The following IL1RAP variants were observed in gnomAD, a reference collection of about 807,000 sequenced individuals.
IL1RAP encodes interleukin 1 receptor accessory protein.
Under a neutral mutation model 60.7 loss-of-function variants are expected in IL1RAP, and 35 were observed. The ratio of observed to expected loss-of-function variants is 0.58; its 90% CI spans 0.44 to 0.76. IL1RAP has a LOEUF of 0.76. Among genes scored for constraint, IL1RAP ranks in the 30% least tolerant of loss-of-function variants. IL1RAP has a pLI of 0.00. For missense variants in IL1RAP, 572 were observed against 693.9 expected (o/e 0.82, Z 1.97); for synonymous variants, 268 against 250.9 (o/e 1.07, Z -0.64).
chr3:190,552,602 T>C (rs113863742), intron 1 of IL1RAP, among the ~76,000 whole-genome samples: 2,268 of 152,252 alleles, frequency 0.015, 65 homozygotes, highest in African/African-American at 0.053. Flanking sequence ...TAGAGCTTTT[T>C]TTATAGACAT....
At chr3:190,563,117 C>T (rs1247791354) in intron 2 of IL1RAP, among the ~76,000 whole-genome samples, 1 of 152,160 alleles carries the variant, frequency 6.6e-6, no homozygotes, top group Admixed American at 6.5e-5. Context: ...ATTTAATGCT[C>T]TTAAAATTGG....
rs961344794 is a variant in IL1RAP at position 190,651,306 on chromosome 3, A to G, written c.*2601A>G. 32 of 945,064 alleles carry G rather than the reference A, an allele frequency of 3.4e-5. No homozygotes were observed. The highest frequency in any genetic ancestry group is 3.5e-5 in the Non-Finnish European group (28 of 793,164). The allele number at this position is 945,064 out of a possible 1,614,324, so 58.5% of individuals were successfully genotyped here. A position where few individuals can be genotyped will look rare whatever the true frequency, so the allele number is the denominator to read the frequency against. On this transcript the variant is annotated 3_prime_UTR_variant, in exon 12 of 12. Transcript: ENST00000447382. ...TTAATTCTCTTCTGTATTGTAACTT[A>G]GATGATTCCCAAGGACTCTAATAAA...
chr3:190,643,950 T>C (rs1367025838), intron 9 of IL1RAP: 1 of 175,388 alleles, frequency 5.7e-6, no homozygotes, highest in African/African-American at 2.4e-5. Context: ...AAATTGTGAC[T>C]TGAATTTGAT....
intron 9 of IL1RAP, among the ~76,000 whole-genome samples, chr3:190,641,707 G>A (rs371881037): frequency 1.1e-4 from 17 of 152,250 alleles, no homozygotes; most frequent in East Asian, 7.7e-4. Context: ...TTTCAGGTAC[G>A]TGCAGCCAGC....
intron 1 of IL1RAP, among the ~76,000 whole-genome samples, chr3:190,521,457 A>ATT (rs79210560): frequency 2.8e-5 from 4 of 141,572 alleles, no homozygotes; most frequent in Non-Finnish European, 4.7e-5. Flanking sequence ...AGATTATGTC[A>ATT]TTTTTTTTTT....
chr3:190,565,164 C>T (rs77409248), intron 3 of IL1RAP, among the ~76,000 whole-genome samples: 3,359 of 149,296 alleles, frequency 0.022, 52 homozygotes, highest in Middle Eastern at 0.056. Context: ...AACTGTAGGA[C>T]TGAAAAAAAA....
chr3:190,548,568 A>G (rs955970788), intron 1 of IL1RAP, among the ~76,000 whole-genome samples: 1 of 152,196 alleles, frequency 6.6e-6, no homozygotes, highest in Admixed American at 6.5e-5. Flanking sequence ...ACAAAATTGG[A>G]CTATACACTG....
chr3:190,515,917 C>T (rs3774000), intron 1 of IL1RAP, among the ~76,000 whole-genome samples: 19,041 of 151,982 alleles, frequency 0.13, 2,099 homozygotes, highest in East Asian at 0.46. Flanking sequence ...TATTTAAACA[C>T]GAACACACAG....
chr3:190,537,053 C>T (rs1421848155), intron 1 of IL1RAP, among the ~76,000 whole-genome samples: 6 of 152,024 alleles, frequency 3.9e-5, no homozygotes, highest in Non-Finnish European at 8.8e-5. Context: ...TAGACATTTA[C>T]TTATTTAAAA....
chr3:190,570,454 G>A (rs1726810870), intron 3 of IL1RAP, among the ~76,000 whole-genome samples: 1 of 152,108 alleles, frequency 6.6e-6, no homozygotes, highest in African/African-American at 2.4e-5. Context: ...TACATTACTG[G>A]GAAATAAATA....
chr3:190,560,141 T>G (rs1001811080), intron 2 of IL1RAP, among the ~76,000 whole-genome samples: 4 of 152,226 alleles, frequency 2.6e-5, no homozygotes, highest in Admixed American at 2.6e-4. Flanking sequence ...TTCAAAGGCT[T>G]GTTCATTGTA....
At chr3:190,529,425 T>C (rs1344897639) in intron 1 of IL1RAP, among the ~76,000 whole-genome samples, 1 of 149,322 alleles carries the variant, frequency 6.7e-6, no homozygotes, top group South Asian at 2.1e-4. Context: ...TGGTGGCTCA[T>C]GCCTGTAATC....
At chr3:190,656,474 C>T (rs1734623790), downstream of IL1RAP, 1 of 1,537,246 alleles carries the variant, frequency 6.5e-7, no homozygotes. Flanking sequence ...CTCTGTAAGC[C>T]TGTTCCCCAA....
intron 1 of IL1RAP, among the ~76,000 whole-genome samples, chr3:190,547,518 A>G (rs963354988): frequency 6.6e-6 from 1 of 152,226 alleles, no homozygotes; most frequent in African/African-American, 2.4e-5. Flanking sequence ...ATATTTCTTT[A>G]GGGCTTACTT....
At chr3:190,656,133 A>G (rs1560251552), downstream of IL1RAP, 1 of 1,537,276 alleles carries the variant, frequency 6.5e-7, no homozygotes, top group East Asian at 2.4e-5. Flanking sequence ...AAAAGTCCAA[A>G]CATTCTGGCT....
intron 3 of IL1RAP, among the ~76,000 whole-genome samples, chr3:190,602,918 C>T (rs929665280): frequency 6.6e-6 from 1 of 152,196 alleles, no homozygotes; most frequent in African/African-American, 2.4e-5. Flanking sequence ...TCACCCTGAC[C>T]TCTGTTCACT....
At chr3:190,553,199 A>G (rs910838253) in intron 1 of IL1RAP, among the ~76,000 whole-genome samples, 2 of 152,216 alleles carry the variant, frequency 1.3e-5, no homozygotes, top group Non-Finnish European at 2.9e-5. Context: ...GAGGCCCGCA[A>G]GGAAGTATTT....
At chr3:190,648,145 C>G (rs1734168724) in intron 11 of IL1RAP, among the ~76,000 whole-genome samples, 193 bp from the exon 12 acceptor site, 1 of 152,124 alleles carries the variant, frequency 6.6e-6, no homozygotes, top group Non-Finnish European at 1.5e-5. Context: ...TTTCTGTTTT[C>G]CCTGAAGACA....
At chr3:190,646,444 G>A (rs1178014748) in intron 11 of IL1RAP, among the ~76,000 whole-genome samples, 2 of 151,830 alleles carry the variant, frequency 1.3e-5, no homozygotes, top group African/African-American at 4.8e-5. Context: ...CTTCCTGTCA[G>A]CTTATACATT....
Sources: gnomAD v4.1 joint callset for allele counts (sites outside exome capture counted in the v4.1 genomes callset) on GRCh38, gnomAD v4.1.1 for gene constraint, MANE v1.5 for transcripts, NCBI Gene and HGNC (gene_info 2026-07-23, HGNC 2026-07-21) for gene names.